The following CCDC57 variants were observed in gnomAD, a reference collection of about 807,000 sequenced individuals.
CCDC57 encodes coiled-coil domain containing 57.
CCDC57 carries 118 observed loss-of-function variants against 118.9 expected under a neutral mutation model. The observed-to-expected ratio is 0.99, with a 90% CI of 0.86 to 1.16. The LOEUF is 1.16. CCDC57 is among the 50% of genes most tolerant of loss of function. The probability of loss-of-function intolerance (pLI) is 0.00; values close to 1 mark genes in which losing one functional copy is unlikely to be tolerated. For synonymous variants in CCDC57, 527 were observed against 532.9 expected (o/e 0.99, Z 0.15); for missense variants, 1,300 against 1,320.7 (o/e 0.98, Z 0.24).
Position 82,118,605 on chromosome 17 carries a change from G to A in CCDC57, c.2899+9087C>T, listed in dbSNP as rs1288466047. ...GGTGCACTCTAGGGAGGTGGAGGCAGGCCTGCTGCAGGGGGTCGGCTTCAG... is the reference window on the plus strand; with the variant it reads ...GGTGCACTCTAGGGAGGTGGAGGCAAGCCTGCTGCAGGGGGTCGGCTTCAG... On this transcript the variant is annotated intron_variant, in intron 19 of 19. Transcript: ENST00000665763. This position sits in a 1 kb window ranked among gnomAD's most constrained non-coding sequence, Gnocchi z 4.7. 6.6e-6 allele frequency among the ~76,000 whole-genome samples: 1 copy of A among 152,078 alleles called. No individual in the cohort carries two copies. The highest frequency in any genetic ancestry group is 1.5e-5 in the Non-Finnish European group (1 of 68,008).
rs928207330 is a variant in CCDC57 at position 82,188,115 on chromosome 17, C to T, written c.1052+104G>A. The T allele has an allele frequency of 2.1e-5, 20 of 946,208 alleles. No individual in the cohort carries two copies. The East Asian group carries it at 5.3e-4, about 25-fold the overall frequency. The allele number at this position is 946,208 out of a possible 1,614,324, so 58.6% of individuals were successfully genotyped here. Reference sequence around the variant, plus strand: ...AGAGCTACAGAAGCCACTCTGTCTGCTGCCTGGCCCCCTTTCCTGTGGTCT... The same window carrying T: ...AGAGCTACAGAAGCCACTCTGTCTGTTGCCTGGCCCCCTTTCCTGTGGTCT... On this transcript the variant is annotated intron_variant, in intron 8 of 19. Transcript: ENST00000665763.
chr17:82,117,187 C>A (rs1361710697), intron 19 of CCDC57, among the ~76,000 whole-genome samples: 3 of 146,838 alleles, frequency 2.0e-5, no homozygotes, highest in Non-Finnish European at 4.5e-5. Context: ...CCCATCTCTA[C>A]AAAAAAAATA....
intron 16 of CCDC57, among the ~76,000 whole-genome samples, chr17:82,145,026 C>CTTTTTTTTTTTTTT (rs63184860): frequency 5.8e-5 from 7 of 120,256 alleles, no homozygotes; most frequent in Non-Finnish European, 1.0e-4. Flanking sequence ...TTTTTTTTTT[C>CTTTTTTTTTTTTTT]TTTTTTTTTT....
intron 14 of CCDC57, among the ~76,000 whole-genome samples, chr17:82,158,888 C>CA (rs2042990176): frequency 2.3e-4 from 1 of 4,388 alleles, no homozygotes; most frequent in Non-Finnish European, 0.036. Context: ...GGGTCTTGCT[C>CA]TTCGCCCAAG....
At chr17:82,204,584 C>T (rs2049382241) in intron 2 of CCDC57, among the ~76,000 whole-genome samples, 1 of 152,160 alleles carries the variant, frequency 6.6e-6, no homozygotes, top group Admixed American at 6.5e-5. Context: ...GAGATTGAGA[C>T]CATCCTGGCT....
chr17:82,126,598 C>T lies in CCDC57; in HGVS notation c.2899+1094G>A, dbSNP rs139023154. The T allele has an allele frequency of 7.8e-3, 7,714 of 985,350 alleles. 33 individuals carry two copies. Among genetic ancestry groups the T allele is most frequent in the Middle Eastern group, 9.4e-3 (18 of 1,914 alleles). 61.0% of individuals were successfully genotyped at this position (985,350 alleles called of 1,614,324 possible). ...GCGCTGATGCCAATCCTGCTGCCACCGGCAAAAGTTCCGTGTGGCTACAGG... is the reference window on the plus strand; with the variant it reads ...GCGCTGATGCCAATCCTGCTGCCACTGGCAAAAGTTCCGTGTGGCTACAGG... On this transcript the variant is annotated intron_variant, in intron 19 of 19. Coordinates refer to ENST00000665763, the Ensembl canonical transcript of CCDC57.
chr17:82,188,838 T>C (rs143246218), intron 7 of CCDC57, among the ~76,000 whole-genome samples: 1,673 of 152,348 alleles, frequency 0.011, 27 homozygotes, highest in African/African-American at 0.039. Context: ...CTATTGATTT[T>C]CCAATTAGAG....
chr17:82,204,480 CTT>C (rs1258119708), intron 2 of CCDC57, among the ~76,000 whole-genome samples: 1 of 152,164 alleles, frequency 6.6e-6, no homozygotes. Flanking sequence ...CCAAAGGAAT[CTT>C]TTCAAAAATG....
At chr17:82,117,719 T>C (rs2036102197) in intron 19 of CCDC57, among the ~76,000 whole-genome samples, 1 of 151,030 alleles carries the variant, frequency 6.6e-6, no homozygotes, top group Admixed American at 6.6e-5. Flanking sequence ...TAATGAAGTA[T>C]CAGTTTTGAC....
At chr17:82,169,519 C>T (rs2044411075) in intron 13 of CCDC57, among the ~76,000 whole-genome samples, 3 of 152,180 alleles carry the variant, frequency 2.0e-5, no homozygotes, top group South Asian at 2.1e-4. Flanking sequence ...GCAGATGGGG[C>T]CTGCCTCCCC....
At chr17:82,187,415 A>T (rs7207947) in intron 8 of CCDC57, among the ~76,000 whole-genome samples, 64,510 of 142,204 alleles carry the variant, frequency 0.45, 15,511 homozygotes, top group East Asian at 0.88. Flanking sequence ...ACATTATGCC[A>T]AGTGAAATAA....
chr17:82,173,799 G>A (rs1024181364), intron 11 of CCDC57, among the ~76,000 whole-genome samples: 2 of 147,704 alleles, frequency 1.4e-5, no homozygotes, highest in South Asian at 2.3e-4. Context: ...CCACCAAGGC[G>A]GGAGGACAAC....
At chr17:82,129,063 C>T (rs1258730526) in intron 17 of CCDC57, among the ~76,000 whole-genome samples, 1 of 152,130 alleles carries the variant, frequency 6.6e-6, no homozygotes, top group African/African-American at 2.4e-5. Context: ...GGATGACAGG[C>T]ACCCACCACC....
chr17:82,114,343 AG>A (rs1389964980), intron 19 of CCDC57, among the ~76,000 whole-genome samples: 1 of 145,600 alleles, frequency 6.9e-6, no homozygotes, highest in East Asian at 2.0e-4. Context: ...TGGCTGGGTG[AG>A]GGGGGAGGGA....
chr17:82,191,592 C>T (rs1432745299), intron 7 of CCDC57, among the ~76,000 whole-genome samples: 3 of 152,204 alleles, frequency 2.0e-5, no homozygotes, highest in Non-Finnish European at 2.9e-5. Context: ...TCCTCCTCAA[C>T]CTCCTCAATG....
At chr17:82,198,110 G>A (rs988403750) in intron 4 of CCDC57, among the ~76,000 whole-genome samples, 1 of 152,196 alleles carries the variant, frequency 6.6e-6, no homozygotes, top group African/African-American at 2.4e-5. Context: ...GAAACACTGT[G>A]GAGGTGGCTG....
At chr17:82,207,741 T>C (rs1037695231) in intron 2 of CCDC57, 1 of 152,224 alleles carries the variant, frequency 6.6e-6, no homozygotes, top group African/African-American at 2.4e-5. Flanking sequence ...TCTTTCTCTA[T>C]CCTAATTCCC....
At chr17:82,183,482 G>T (rs2046454139) in intron 9 of CCDC57, among the ~76,000 whole-genome samples, 1 of 152,064 alleles carries the variant, frequency 6.6e-6, no homozygotes, top group Non-Finnish European at 1.5e-5. Context: ...ACCACGCTTG[G>T]CAAGAGGAGA....
intron 15 of CCDC57, chr17:82,154,903 G>T (rs1217534497): frequency 1.3e-5 from 2 of 152,372 alleles, no homozygotes; most frequent in African/African-American, 4.8e-5. Flanking sequence ...GGTCTCCCAG[G>T]TCTCCTAACT....
Sources: allele counts gnomAD v4.1 joint callset (sites outside exome capture counted in the v4.1 genomes callset), GRCh38; gene constraint gnomAD v4.1.1; non-coding constraint Gnocchi (gnomAD v3.1); transcripts MANE v1.5; gene names NCBI Gene and HGNC (gene_info 2026-07-23, HGNC 2026-07-21).